LTO1: variants seen among roughly 807,000 people sequenced by gnomAD.
LTO1 encodes the protein LTO1 maturation factor of ABCE1, also known as protein LTO1 homolog.
A neutral mutation model predicts 19.8 loss-of-function variants in LTO1; 18 were observed. That is an observed-to-expected ratio of 0.91 (90% CI 0.63 to 1.35). The LOEUF (loss-of-function observed/expected upper bound fraction) is 1.35. LTO1 is among the 40% of genes most tolerant of loss of function. The probability of loss-of-function intolerance (pLI) is 0.00; values close to 1 mark genes in which losing one functional copy is unlikely to be tolerated. For synonymous variants in LTO1, 59 were observed against 59.6 expected (o/e 0.99, Z 0.05); for missense variants, 175 against 167.9 (o/e 1.04, Z -0.23).
Position 69,667,453 on chromosome 11 carries a change from C to T in LTO1, c.*66G>A, listed in dbSNP as rs1399418799. ...TTCCCAGCACCGTCTGGCCCTTCAC[C>T]GCATTTCTAAACACGTCACACACAC... On this transcript the variant is annotated 3_prime_UTR_variant, in exon 5 of 5. Coordinates refer to ENST00000279147, the MANE Select transcript of LTO1 (RefSeq NM_153451.3). The T allele has an allele frequency of 2.0e-5, 22 of 1,087,262 alleles. No homozygotes were observed. Among genetic ancestry groups the T allele is most frequent in the South Asian group, 1.9e-4 (15 of 79,370 alleles). 67.4% of individuals were successfully genotyped at this position (1,087,262 alleles called of 1,614,324 possible).
At position 69,673,437 on chromosome 11, in the gene LTO1, A is replaced by C. The variant is rs879915908; in HGVS notation, c.51-116T>G. The C allele has an allele frequency of 2.9e-5, 20 of 680,660 alleles. No homozygotes were observed. In the Middle Eastern group the frequency reaches 1.0e-3, roughly 35 times the overall value. The allele number at this position is 680,660 out of a possible 1,614,324, so 42.2% of individuals were successfully genotyped here. ...TAAGACAAACCAGAGTAAAGGAGGA[A>C]AAGCCTAAAATTCAAGTCAGAAGAC... On this transcript the variant is annotated intron_variant, in intron 1 of 4. Transcript: ENST00000279147.
chr11:69,674,977 C>T, intron 1 of LTO1: 1 of 693,094 alleles, frequency 1.4e-6, no homozygotes, highest in Non-Finnish European at 2.6e-6. Context: ...TCTGGAAGAG[C>T]AGCTGGGCAC....
In LTO1 at chr11:69,668,007, T is replaced by C. The variant is rs376985156; in HGVS notation, c.233A>G (p.Lys78Arg). The C allele has an allele frequency of 6.8e-7, 1 of 1,479,358 alleles. No individual in the cohort carries two copies. The highest frequency in any genetic ancestry group is 9.5e-7 in the Non-Finnish European group (1 of 1,056,946). The allele number at this position is 1,479,358 out of a possible 1,614,324, so 91.6% of individuals were successfully genotyped here. ...AATCAATGATTCTAAGACCTTCATC[T>C]TTCTGCTGTAAAGCACAGAAATACA... ...HSCTTEKDSR[K>R]MKVLESLIGM... Residue 78 changes from lysine (K) to arginine (R), a missense_variant, in exon 4 of 5, where the codon AAG becomes AGG. Lys to Arg is a conservative substitution (Grantham distance 26). Transcript: ENST00000279147.
At chr11:69,671,549 C>G in intron 3 of LTO1, 200 bp downstream of exon 3, 1 of 545,164 alleles carries the variant, frequency 1.8e-6, no homozygotes, top group Non-Finnish European at 3.3e-6. Context: ...CAGTGTTCAC[C>G]AAACACCTAA....
rs746124101 is a variant in LTO1, at chr11:69,667,965, A to G, written c.275T>C (p.Phe92Ser). ...LESLIGMIQK[F>S]PYDDPTYDKL... ...ATCGTAAGTAGGGTCATCATAAGGG[A>G]ATTTCTGGATCATTCCAATCAATGA... The change falls in exon 4 of 5, where the codon TTC becomes TCC. Residue 92 changes from phenylalanine (F) to serine (S), a missense_variant. Coordinates refer to ENST00000279147, the MANE Select transcript of LTO1 (RefSeq NM_153451.3). 7.5e-6 allele frequency: 12 copies of G among 1,596,168 alleles called. No individual in the cohort carries two copies. The South Asian group carries it at 1.3e-4, about 18-fold the overall frequency.
chr11:69,675,344 AC>A lies in LTO1; in HGVS notation c.-106del. 1.0e-6 allele frequency: 1 copy of A among 964,520 alleles called. No individual in the cohort carries two copies. The highest frequency in any genetic ancestry group is 1.5e-6 in the Non-Finnish European group (1 of 676,292). The allele number at this position is 964,520 out of a possible 1,614,324, so 59.7% of individuals were successfully genotyped here. ...AATGCTCCGCTTGGGAGGAGACGAG[AC>A]CCACTTCCGGAAGCGGCGGCGCGGG... On this transcript the variant is annotated 5_prime_UTR_variant, in exon 1 of 5. Transcript: ENST00000279147.
chr11:69,669,500 A>G (rs1355680196), intron 3 of LTO1, among the ~76,000 whole-genome samples: 1 of 152,216 alleles, frequency 6.6e-6, no homozygotes, highest in Admixed American at 6.5e-5. Flanking sequence ...AGTTTTAGCA[A>G]CAAAGCACCT....
intron 3 of LTO1, among the ~76,000 whole-genome samples, chr11:69,669,112 T>C (rs1013489463): frequency 6.6e-6 from 1 of 151,968 alleles, no homozygotes; most frequent in African/African-American, 2.4e-5. Flanking sequence ...CTTGGTCTCT[T>C]GGTTTCCTCT....
chr11:69,667,384 C>T lies in LTO1; in HGVS notation c.*135G>A. The T allele has an allele frequency of 1.5e-6, 1 of 676,344 alleles. No individual in the cohort carries two copies. Among genetic ancestry groups the T allele is most frequent in the South Asian group, 1.8e-5 (1 of 56,460 alleles). The allele number at this position is 676,344 out of a possible 1,614,324, so 41.9% of individuals were successfully genotyped here. A position where few individuals can be genotyped will look rare whatever the true frequency, so the allele number is the denominator to read the frequency against. ...GAAAACCCCAGGGAAGGAAGCCCTC[C>T]CACGGCCGAACCGGAACCCTCACCC... On this transcript the variant is annotated 3_prime_UTR_variant, in exon 5 of 5. Transcript: ENST00000279147.
intron 1 of LTO1, chr11:69,674,601 G>A: frequency 2.7e-6 from 1 of 369,124 alleles, no homozygotes; most frequent in Non-Finnish European, 5.3e-6. Context: ...CTCAGTGTCT[G>A]ACTCACAGCG....
rs1856028309 is a variant in LTO1 at position 69,666,093 on chromosome 11, TAC to T, written c.*1424_*1425del. ...TCACTTGAATTCAGGAGGCGGAGGTTACAGTGAGCCGAGATCGCGCCAATACA... is the reference window on the plus strand; with the variant it reads ...TCACTTGAATTCAGGAGGCGGAGGTTAGTGAGCCGAGATCGCGCCAATACA... On this transcript the variant is annotated 3_prime_UTR_variant, in exon 5 of 5. Coordinates refer to ENST00000279147, the MANE Select transcript of LTO1 (RefSeq NM_153451.3). 6.6e-6 allele frequency: 1 copy of T among 152,034 alleles called. No homozygotes were observed. The highest frequency in any genetic ancestry group is 1.5e-5 in the Non-Finnish European group (1 of 68,028). The allele number at this position is 152,034 out of a possible 1,614,324, so 9.4% of individuals were successfully genotyped here.
intron 3 of LTO1, among the ~76,000 whole-genome samples, chr11:69,668,619 T>C (rs935697228): frequency 1.6e-4 from 25 of 151,938 alleles, no homozygotes; most frequent in Admixed American, 6.6e-5. Context: ...GCTGGCCTCA[T>C]CTGTAAAATG....
intron 3 of LTO1, among the ~76,000 whole-genome samples, chr11:69,670,133 G>A (rs185986668): frequency 9.2e-5 from 14 of 152,292 alleles, no homozygotes; most frequent in Admixed American, 5.9e-4. Context: ...GGGCGGCTGC[G>A]AGGGGGGTCT....
chr11:69,666,293 G>A lies in LTO1; in HGVS notation c.*1226C>T, dbSNP rs554709890. On this transcript the variant is annotated 3_prime_UTR_variant, in exon 5 of 5. Transcript: ENST00000279147. ...CAATCCACTAGGACATTCGGGAATGGTTTTAAAACCAAAGTGGATTCATGG... is the reference window on the plus strand; with the variant it reads ...CAATCCACTAGGACATTCGGGAATGATTTTAAAACCAAAGTGGATTCATGG... 2 of 152,096 alleles carry A rather than the reference G, an allele frequency of 1.3e-5. No individual in the cohort carries two copies. Among genetic ancestry groups the A allele is most frequent in the Non-Finnish European group, 2.9e-5 (2 of 67,834 alleles). 9.4% of individuals were successfully genotyped at this position (152,096 alleles called of 1,614,324 possible).
chr11:69,675,087 A>G (rs1856170567), intron 1 of LTO1, 103 bp downstream of exon 1: 1 of 1,053,312 alleles, frequency 9.5e-7, no homozygotes, highest in Non-Finnish European at 1.4e-6. Flanking sequence ...GCGCACGCCC[A>G]AGGGACGCCA....
chr11:69,674,504 T>A, intron 1 of LTO1: 1 of 334,738 alleles, frequency 3.0e-6, no homozygotes, highest in Non-Finnish European at 5.9e-6. Context: ...GGAAAGTGAC[T>A]GTGCCTCCTA....
In LTO1 at chr11:69,665,905, A is replaced by T. The variant is rs1856026018; in HGVS notation, c.*1614T>A. ...AGTGGTGGCTCATGCCTGCAATTCC[A>T]GCACTTTGGTAGGTGGACGTGGGTG... On this transcript the variant is annotated 3_prime_UTR_variant, in exon 5 of 5. Transcript: ENST00000279147. 1 of 152,212 alleles carries T rather than the reference A, an allele frequency of 6.6e-6. No individual in the cohort carries two copies. Among genetic ancestry groups the T allele is most frequent in the Non-Finnish European group, 1.5e-5 (1 of 68,062 alleles). The allele number at this position is 152,212 out of a possible 1,614,324, so 9.4% of individuals were successfully genotyped here.
chr11:69,671,354 A>T (rs1856106940), intron 3 of LTO1: 1 of 179,704 alleles, frequency 5.6e-6, no homozygotes, highest in African/African-American at 2.4e-5. Context: ...TGGTGTCCTC[A>T]TCTCTGAGCC....
chr11:69,670,733 G>C (rs1856098059), intron 3 of LTO1, among the ~76,000 whole-genome samples: 4 of 152,214 alleles, frequency 2.6e-5, no homozygotes, highest in Admixed American at 2.6e-4. Context: ...AAGGCCACCA[G>C]GTGTCAGAAT....
Sources: gnomAD v4.1 joint callset for allele counts (sites outside exome capture counted in the v4.1 genomes callset) on GRCh38, gnomAD v4.1.1 for gene constraint, MANE v1.5 for transcripts, NCBI Gene and HGNC (gene_info 2026-07-23, HGNC 2026-07-21) for gene names.